Variants in DIXDC1 observed in about 807,000 individuals in gnomAD.
DIXDC1 encodes the protein dixin.
In DIXDC1, 64 loss-of-function variants were observed where a neutral mutation model predicts 103.1. The ratio of observed to expected loss-of-function variants is 0.62; its 90% CI spans 0.51 to 0.76. The LOEUF is 0.76. Among genes scored for constraint, DIXDC1 ranks in the 30% least tolerant of loss-of-function variants. DIXDC1 has a pLI of 0.00. For missense variants in DIXDC1, 759 were observed against 834.2 expected (o/e 0.91, Z 1.11); for synonymous variants, 266 against 298.5 (o/e 0.89, Z 1.12).
rs782810618 is a variant in DIXDC1, at chr11:111,937,471, C to A, written c.-29C>A. ...GCGGCGGCGGCCGCCGGGCTGGAGA[C>A]CCCGCCCGGGGAGCCCCCAGCAGGA... On this transcript the variant is annotated 5_prime_UTR_variant, in exon 1 of 20. Coordinates refer to ENST00000440460, the MANE Select transcript of DIXDC1 (RefSeq NM_001037954.4). 4.5e-6 allele frequency: 7 copies of A among 1,564,442 alleles called. No individual in the cohort carries two copies. The highest frequency in any genetic ancestry group is 3.8e-5 in the Admixed American group (2 of 52,294).
chr11:111,972,190 A>G (rs1201138259), intron 3 of DIXDC1, among the ~76,000 whole-genome samples: 2 of 152,242 alleles, frequency 1.3e-5, no homozygotes, highest in Non-Finnish European at 2.9e-5. Context: ...TAAAGGCTAC[A>G]AAGCTAAAAA....
intron 17 of DIXDC1, among the ~76,000 whole-genome samples, chr11:112,012,760 G>A (rs1248125803): frequency 1.3e-5 from 2 of 152,120 alleles, no homozygotes; most frequent in African/African-American, 4.8e-5. Context: ...TTTATGTTGG[G>A]TGAGACAAGT....
chr11:111,983,420 A>G (rs1324579233), intron 7 of DIXDC1, among the ~76,000 whole-genome samples: 2 of 152,014 alleles, frequency 1.3e-5, no homozygotes, highest in African/African-American at 2.4e-5. Context: ...TGTGGGAGGA[A>G]TGTTGCCTGC....
upstream of DIXDC1, chr11:111,937,173 C>T (rs1966228058): frequency 1.9e-6 from 2 of 1,041,580 alleles, no homozygotes; most frequent in Non-Finnish European, 2.3e-6. Flanking sequence ...GCAGCGCGCG[C>T]CCTCGCCAGC....
intron 14 of DIXDC1, among the ~76,000 whole-genome samples, chr11:111,994,739 G>T (rs1860830745): frequency 6.6e-6 from 1 of 152,146 alleles, no homozygotes; most frequent in South Asian, 2.1e-4. Context: ...GCTCTCCAGT[G>T]CTGTGGCAGA....
chr11:112,009,442 T>C (rs1338217076), intron 17 of DIXDC1, among the ~76,000 whole-genome samples: 1 of 152,134 alleles, frequency 6.6e-6, no homozygotes, highest in Non-Finnish European at 1.5e-5. Flanking sequence ...GAGGGACTCC[T>C]CCCTAACTCA....
chr11:111,947,040 GT>G (rs587768021), intron 1 of DIXDC1: 3,969 of 150,844 alleles, frequency 0.026, 94 homozygotes, highest in Non-Finnish European at 0.043. Context: ...ACAAAATGCA[GT>G]TTTTTTTTTC....
At position 111,996,129 on chromosome 11, in the gene DIXDC1, C is replaced by T. The variant is rs782235877; in HGVS notation, c.1739C>T (p.Ser580Phe). Residue 580 changes from serine to phenylalanine, a missense_variant, in exon 17 of 20, where the codon TCC (serine) becomes TTC (phenylalanine). Physicochemically the swap from Ser to Phe is radical, Grantham distance 155. Around this residue, in one of 3 missense-constraint regions of DIXDC1, gnomAD observed 657 missense variants for 727.5 expected, o/e 0.90. Transcript: ENST00000440460. Reference protein sequence around the residue: ...RTQVGSEYRESWPPNSKLPHS... With the variant: ...RTQVGSEYREFWPPNSKLPHS... ...CAAGTAGGTAGTGAATACCGGGAGT[C>T]CTGGCCCCCTAACTCAAGTAAGTAC... 4.3e-6 allele frequency: 7 copies of T among 1,613,674 alleles called. No individual in the cohort carries two copies. In the South Asian group the frequency reaches 7.7e-5, roughly 18 times the overall value.
upstream of DIXDC1, among the ~76,000 whole-genome samples, chr11:111,933,968 C>T (rs1023786089): frequency 3.9e-5 from 6 of 152,176 alleles, no homozygotes; most frequent in South Asian, 2.1e-4. Context: ...TATTAACAGA[C>T]GTGATTAATG....
chr11:111,977,783 G>A lies in DIXDC1; in HGVS notation c.656+2800G>A, dbSNP rs1555172796. ...ACAGGAGGGGGACCATGGGAGGGAC[G>A]CAAGTCAAATGGTGAGCTGAAGCCA... On this transcript the variant is annotated intron_variant, in intron 5 of 19. Transcript: ENST00000440460. The surrounding 1 kb of genome is among the most constrained non-coding windows in gnomAD (Gnocchi z 6.1). 2.6e-6 allele frequency: 4 copies of A among 1,564,896 alleles called. No homozygotes were observed. The highest frequency in any genetic ancestry group is 2.4e-5 in the East Asian group (1 of 41,074).
At chr11:111,979,943 G>C (rs587653907) in intron 5 of DIXDC1, among the ~76,000 whole-genome samples, 276 of 152,260 alleles carry the variant, frequency 1.8e-3, no homozygotes, top group African/African-American at 6.4e-3. Context: ...AACAGAGTGA[G>C]ACCCTGTCTC....
chr11:111,960,201 TGCCCGGCGAAATACA>T (rs1447365247), intron 1 of DIXDC1, among the ~76,000 whole-genome samples: 1 of 151,632 alleles, frequency 6.6e-6, no homozygotes, highest in African/African-American at 2.4e-5. Flanking sequence ...TGAGCCACTG[TGCCCGGCGAAATACA>T]GCATTTTGAA....
At chr11:111,980,424 C>T (rs1555173106) in intron 5 of DIXDC1, among the ~76,000 whole-genome samples, 1 of 152,176 alleles carries the variant, frequency 6.6e-6, no homozygotes, top group African/African-American at 2.4e-5. Flanking sequence ...CAAAGCAAAA[C>T]TTGGAGTTCT....
intron 5 of DIXDC1, among the ~76,000 whole-genome samples, chr11:111,978,851 A>G (rs1428226706): frequency 2.0e-5 from 3 of 152,328 alleles, no homozygotes; most frequent in East Asian, 3.9e-4. Flanking sequence ...CCATTTCTGT[A>G]AGAAGGTAAA....
At chr11:111,960,244 T>C (rs587769886) in intron 1 of DIXDC1, among the ~76,000 whole-genome samples, 1 of 152,032 alleles carries the variant, frequency 6.6e-6, no homozygotes, top group Admixed American at 6.5e-5. Context: ...GCTGTATGTC[T>C]TCATTACGTC....
At chr11:111,955,337 G>A (rs193067880) in intron 1 of DIXDC1, among the ~76,000 whole-genome samples, 1 of 117,430 alleles carries the variant, frequency 8.5e-6, no homozygotes, top group East Asian at 2.5e-4. Flanking sequence ...GTGAGACCCT[G>A]TCAAAAAAAA....
chr11:111,961,329 G>C (rs909105355), intron 1 of DIXDC1, among the ~76,000 whole-genome samples: 1 of 152,366 alleles, frequency 6.6e-6, no homozygotes, highest in East Asian at 1.9e-4. Flanking sequence ...CAGTGTGGTA[G>C]AGTGGAAAGA....
chr11:111,938,415 T>C (rs1032950216), intron 1 of DIXDC1, among the ~76,000 whole-genome samples: 3 of 152,206 alleles, frequency 2.0e-5, no homozygotes, highest in Non-Finnish European at 2.9e-5. Flanking sequence ...CTGTTAGTTG[T>C]GTCTTTCTTC....
At chr11:111,928,793 T>G (rs782691897) in intron 1 of DIXDC1, among the ~76,000 whole-genome samples, 2 of 152,116 alleles carry the variant, frequency 1.3e-5, no homozygotes, top group African/African-American at 2.4e-5. Context: ...GGTAGAATCA[T>G]TAACTCTGTT....
Sources: allele counts gnomAD v4.1 joint callset (sites outside exome capture counted in the v4.1 genomes callset), GRCh38; gene constraint gnomAD v4.1.1; regional missense constraint gnomAD v4.1.1; non-coding constraint Gnocchi (gnomAD v3.1); transcripts MANE v1.5; gene names NCBI Gene and HGNC (gene_info 2026-07-23, HGNC 2026-07-21).